The following GADL1 variants were observed in gnomAD, a reference collection of about 807,000 sequenced individuals.
GADL1 encodes GAD like acidic amino acid decarboxylase 1, also known as acidic amino acid decarboxylase GADL1.
In GADL1, 71 loss-of-function variants were observed where a neutral mutation model predicts 69.5. That is an observed-to-expected ratio of 1.02 (90% CI 0.84 to 1.25). The LOEUF (loss-of-function observed/expected upper bound fraction) is 1.25. GADL1 is among the 50% of genes most tolerant of loss of function. The pLI, the probability that GADL1 is intolerant of heterozygous loss-of-function variation, is 0.00. For synonymous variants in GADL1, 254 were observed against 214.4 expected (o/e 1.18, Z -1.62); for missense variants, 737 against 631.8 (o/e 1.17, Z -1.79).
At chr3:30,775,914 A>T (rs1298622623) in intron 14 of GADL1, among the ~76,000 whole-genome samples, 1 of 152,094 alleles carries the variant, frequency 6.6e-6, no homozygotes, top group Non-Finnish European at 1.5e-5. Flanking sequence ...GTGAAACCCC[A>T]TCTCGACAAA....
At chr3:30,794,336 T>G (rs996680305) in intron 12 of GADL1, among the ~76,000 whole-genome samples, 1 of 152,182 alleles carries the variant, frequency 6.6e-6, no homozygotes, top group Non-Finnish European at 1.5e-5. Context: ...TCTTCTAGCC[T>G]GCTTGAAAAA....
At chr3:30,845,846 A>G (rs867460221) in intron 6 of GADL1, among the ~76,000 whole-genome samples, 10 of 152,250 alleles carry the variant, frequency 6.6e-5, no homozygotes, top group Admixed American at 4.6e-4. Flanking sequence ...CCAAACAGCT[A>G]TTGATTTCAT....
intron 1 of GADL1, among the ~76,000 whole-genome samples, chr3:30,873,200 C>T (rs1485235496): frequency 6.6e-6 from 1 of 151,870 alleles, no homozygotes; most frequent in Non-Finnish European, 1.5e-5. Context: ...TATAATTGCA[C>T]TTATAAAATA....
chr3:30,790,315 G>T (rs1696889120), intron 12 of GADL1, among the ~76,000 whole-genome samples: 1 of 152,106 alleles, frequency 6.6e-6, no homozygotes, highest in Non-Finnish European at 1.5e-5. Context: ...TGGAGCCCCA[G>T]AACAATTTAC....
intron 1 of GADL1, among the ~76,000 whole-genome samples, chr3:30,862,577 C>A (rs2125537318): frequency 6.6e-6 from 1 of 152,098 alleles, no homozygotes; most frequent in African/African-American, 2.4e-5. Context: ...CCTGTCCTTA[C>A]ACAATTTATT....
At chr3:30,788,135 C>A (rs1160318258) in intron 12 of GADL1, among the ~76,000 whole-genome samples, 1 of 152,112 alleles carries the variant, frequency 6.6e-6, no homozygotes, top group Non-Finnish European at 1.5e-5. Flanking sequence ...GTTTTTAAAC[C>A]ATCTATCACA....
At position 30,850,027 on chromosome 3, in the gene GADL1, G is replaced by T; in HGVS notation, c.620C>A (p.Ser207Ter). 1.2e-6 allele frequency: 2 copies of T among 1,607,512 alleles called. No homozygotes were observed. The highest frequency in any genetic ancestry group is 1.3e-5 in the African/African-American group (1 of 74,860). The change falls in exon 6 of 15, where the codon TCG becomes TAG. Residue 207 changes from serine (S) to a stop codon, truncating the protein, a stop_gained. Coordinates refer to ENST00000282538, the MANE Select transcript of GADL1 (RefSeq NM_207359.3). LOFTEE classifies it high-confidence loss of function. ...PDIKEKGLSG[S>*]PRLILFTSAE... ...AGATGTGAAAAGGATTAATCTTGGCGAACCAGACAGCCCCTTTTCCTTAAT... is the reference window on the plus strand; with the variant it reads ...AGATGTGAAAAGGATTAATCTTGGCTAACCAGACAGCCCCTTTTCCTTAAT...
Position 30,778,256 on chromosome 3 carries a change from T to A in GADL1, c.1315A>T (p.Asn439Tyr). Reference sequence around the variant, plus strand: ...GGTGGAATGTACCAAAAGCAAATATTGGCATATTCAGGCTGAGAATTAGAA... The same window carrying A: ...GGTGGAATGTACCAAAAGCAAATATAGGCATATTCAGGCTGAGAATTAGAA... The part of the protein sequence containing the change: ...FKLLMEPEYA[N>Y]ICFWYIPPSL... Residue 439 changes from asparagine (N) to tyrosine (Y), a missense_variant, in exon 14 of 15, where the codon AAT becomes TAT. Physicochemically the swap from Asn to Tyr is moderately radical, Grantham distance 143. Transcript: ENST00000282538. The A allele has an allele frequency of 1.2e-6, 2 of 1,607,922 alleles. No homozygotes were observed. The highest frequency in any genetic ancestry group is 1.7e-6 in the Non-Finnish European group (2 of 1,174,838).
chr3:30,881,041 G>A (rs549304325), intron 1 of GADL1, among the ~76,000 whole-genome samples: 1 of 152,028 alleles, frequency 6.6e-6, no homozygotes, highest in Non-Finnish European at 1.5e-5. Flanking sequence ...CTAAGGGTTA[G>A]AGATCAATCA....
At chr3:30,762,378 A>T (rs1245310030) in intron 14 of GADL1, among the ~76,000 whole-genome samples, 26 of 152,314 alleles carry the variant, frequency 1.7e-4, no homozygotes, top group African/African-American at 6.3e-4. Flanking sequence ...GCGATTTTTG[A>T]ATTGTCAAGC....
intron 13 of GADL1, among the ~76,000 whole-genome samples, chr3:30,785,285 TTC>T (rs1696763744): frequency 6.6e-6 from 1 of 152,132 alleles, no homozygotes; most frequent in African/African-American, 2.4e-5. Flanking sequence ...GGGGGACCTT[TTC>T]TGTTTTCTAT....
chr3:30,851,610 C>CT (rs1198606072), intron 4 of GADL1, among the ~76,000 whole-genome samples: 9 of 152,078 alleles, frequency 5.9e-5, no homozygotes, highest in African/African-American at 2.2e-4. Context: ...GAGCTACCTC[C>CT]TCCAGGGTCA....
chr3:30,836,571 GTATATCATTTTATATATA>G (rs770640496), intron 9 of GADL1, among the ~76,000 whole-genome samples: 249 of 152,132 alleles, frequency 1.6e-3, no homozygotes, highest in Non-Finnish European at 2.9e-3. Flanking sequence ...AGGCACCACA[GTATATCATTTTATATATA>G]TTTGTCTTTA....
intron 12 of GADL1, among the ~76,000 whole-genome samples, chr3:30,789,971 A>G (rs1696879755): frequency 1.3e-5 from 2 of 152,214 alleles, no homozygotes; most frequent in African/African-American, 4.8e-5. Context: ...TGTATTCACT[A>G]AAGTAGAACC....
intron 11 of GADL1, among the ~76,000 whole-genome samples, chr3:30,829,573 C>T (rs6550026): frequency 0.16 from 24,365 of 151,782 alleles, 2,018 homozygotes; most frequent in Middle Eastern, 0.21. Context: ...AACTAATCAA[C>T]TATAATTTTA....
At chr3:30,843,011 C>A (rs1368686468) in intron 8 of GADL1, among the ~76,000 whole-genome samples, 3 of 151,108 alleles carry the variant, frequency 2.0e-5, no homozygotes, top group Non-Finnish European at 4.4e-5. Context: ...AACTTAAAAA[C>A]ATTAAAAAAC....
intron 14 of GADL1, among the ~76,000 whole-genome samples, chr3:30,752,128 C>T (rs963394780): frequency 6.6e-6 from 1 of 152,166 alleles, no homozygotes; most frequent in Admixed American, 6.5e-5. Context: ...TGGTACCTGA[C>T]TGAGTACTTC....
chr3:30,823,332 G>T (rs973202538), intron 11 of GADL1, among the ~76,000 whole-genome samples: 5 of 151,936 alleles, frequency 3.3e-5, no homozygotes, highest in Admixed American at 1.3e-4. Context: ...CTCACTAGCA[G>T]ATATCCTAAA....
chr3:30,867,790 T>TG (rs1698425287), intron 1 of GADL1, among the ~76,000 whole-genome samples: 4 of 151,932 alleles, frequency 2.6e-5, no homozygotes, highest in Admixed American at 2.0e-4. Context: ...CTTGGGTAAT[T>TG]GGGGGCCTCA....
Sources: gnomAD v4.1 joint callset for allele counts (sites outside exome capture counted in the v4.1 genomes callset) on GRCh38, gnomAD v4.1.1 for gene constraint, MANE v1.5 for transcripts, NCBI Gene and HGNC (gene_info 2026-07-23, HGNC 2026-07-21) for gene names.